GPATCH8: variants seen among roughly 807,000 people sequenced by gnomAD.
The protein encoded by GPATCH8 is G patch domain-containing protein 8.
A neutral mutation model predicts 118.3 loss-of-function variants in GPATCH8; 18 were observed. That is an observed-to-expected ratio of 0.15 (90% confidence interval 0.11 to 0.23). The LOEUF (loss-of-function observed/expected upper bound fraction) is 0.23, where lower values mean the gene tolerates loss of function less well. Ranked by LOEUF, GPATCH8 falls within the 10% of genes least tolerant of loss-of-function variation. The pLI, the probability that GPATCH8 is intolerant of heterozygous loss-of-function variation, is 1.00. For synonymous variants in GPATCH8, 659 were observed against 684.7 expected (o/e 0.96, Z 0.59); for missense variants, 1,631 against 1,873.8 (o/e 0.87, Z 2.39).
At position 44,474,853 on chromosome 17, in the gene GPATCH8, C is replaced by A. The variant is rs141918339; in HGVS notation, c.96G>T (p.Ala32=). The change falls in exon 2 of 8, where the codon GCG becomes GCT. Residue 32 remains alanine (A), a synonymous_variant. Transcript: ENST00000591680. ...CCGATTCTATAGGCTTGTCAAGTGA[C>A]GCTTGTTCAATTTCCAAGTGTCCTT... is the stretch of plus-strand genomic sequence containing the variant. ...YEEGHLEIEQ[A]SLDKPIESDN... is the part of the protein sequence containing the mutation. The A allele has an allele frequency of 6.3e-7, 1 of 1,575,678 alleles. No homozygotes were observed. Among genetic ancestry groups the A allele is most frequent in the Non-Finnish European group, 8.7e-7 (1 of 1,145,444 alleles).
At chr17:44,423,917 T>G (rs2050001149) in intron 6 of GPATCH8, among the ~76,000 whole-genome samples, 1 of 152,168 alleles carries the variant, frequency 6.6e-6, no homozygotes, top group African/African-American at 2.4e-5. Flanking sequence ...AATAGCAAAA[T>G]GACTTAATAA....
intron 3 of GPATCH8, among the ~76,000 whole-genome samples, chr17:44,457,352 T>A (rs1378077529): frequency 1.3e-5 from 2 of 152,186 alleles, no homozygotes; most frequent in Admixed American, 6.5e-5. Context: ...CTACAGAGAA[T>A]GTTCATCTCT....
intron 1 of GPATCH8, among the ~76,000 whole-genome samples, chr17:44,483,209 A>ATATATATATATATATATATATG (rs1199310538): frequency 1.1e-5 from 1 of 90,738 alleles, no homozygotes; most frequent in African/African-American, 3.9e-5. Flanking sequence ...ATATATATAT[A>ATATATATATATATATATATATG]TATATATACA....
chr17:44,445,917 T>C (rs1321156222), intron 3 of GPATCH8: 1 of 152,196 alleles, frequency 6.6e-6, no homozygotes, highest in Non-Finnish European at 1.5e-5. Context: ...ATGGGGCATG[T>C]GACCCATTAT....
chr17:44,399,299 G>A lies in GPATCH8; in HGVS notation c.2778C>T (p.His926=). ...AGTCATCATCAGAAGATGAATATTT[G>A]TGCCGTTTTGATCGGTGTTTGGAGC... ...YASSKHRSKR[H]KYSSSDDDYS... Residue 926 remains histidine (H), a synonymous_variant, in exon 8 of 8, where the codon CAC becomes CAT. Transcript: ENST00000591680. 1 of 1,613,966 alleles carries A rather than the reference G, an allele frequency of 6.2e-7. No homozygotes were observed. The highest frequency in any genetic ancestry group is 8.5e-7 in the Non-Finnish European group (1 of 1,179,844).
rs547292101 is a variant in GPATCH8, at chr17:44,496,769, T to A, written c.45+6557A>T. Among the ~76,000 whole-genome samples the A allele has an allele frequency of 3.3e-5, 5 of 152,362 alleles. No homozygotes were observed. The South Asian group carries it at 8.3e-4, about 25-fold the overall frequency. On this transcript the variant is annotated intron_variant, in intron 1 of 7. Transcript: ENST00000591680. The stretch of plus-strand genomic sequence containing the variant: ...TAAATTAGGAATAAAATACTAAACA[T>A]ATTTGTTTAAATTCCAAAGAAATCA...
At chr17:44,406,149 C>T (rs907255086) in intron 6 of GPATCH8, 98 bp from the exon 7 acceptor site, 1 of 872,622 alleles carries the variant, frequency 1.1e-6, no homozygotes, top group Non-Finnish European at 2.0e-6. Flanking sequence ...AACCAACAGT[C>T]ATGGTATTAG....
chr17:44,434,685 G>A (rs568514283), intron 5 of GPATCH8, among the ~76,000 whole-genome samples: 2 of 152,298 alleles, frequency 1.3e-5, no homozygotes, highest in African/African-American at 2.4e-5. Context: ...TGAGTGTTGG[G>A]GTTACAAGTG....
intron 1 of GPATCH8, among the ~76,000 whole-genome samples, chr17:44,479,958 TC>T (rs1268265740): frequency 8.2e-6 from 1 of 122,442 alleles, no homozygotes; most frequent in Non-Finnish European, 1.9e-5. Context: ...AGAGCAAGAC[TC>T]CGTCTCAAAA....
chr17:44,449,489 C>T (rs1045251083), intron 3 of GPATCH8, among the ~76,000 whole-genome samples: 2 of 151,794 alleles, frequency 1.3e-5, no homozygotes, highest in African/African-American at 4.8e-5. Context: ...AGGCGTGAGC[C>T]CCTGCACTCA....
chr17:44,465,456 G>A (rs1356464197), intron 2 of GPATCH8: 1 of 152,078 alleles, frequency 6.6e-6, no homozygotes, highest in Non-Finnish European at 1.5e-5. Flanking sequence ...TCAAGGTATT[G>A]GAAACATCTG....
rs774164370 is a variant in GPATCH8 at position 44,401,129 on chromosome 17, T to C, written c.948A>G (p.Ala316=). 1.3e-5 allele frequency: 21 copies of C among 1,614,136 alleles called. No individual in the cohort carries two copies. The Middle Eastern group carries it at 9.9e-4, about 76-fold the overall frequency. ...KKAPVKLESI[A]SVFKDHAEEG... ...CCTCCGCATGGTCCTTGAAAACTGA[T>C]GCTATTGATTCGAGTTTGACAGGAG... Residue 316 remains alanine, a synonymous_variant, in exon 8 of 8, where the codon GCA becomes GCG. Transcript: ENST00000591680.
At chr17:44,450,181 C>A (rs1295520448) in intron 3 of GPATCH8, among the ~76,000 whole-genome samples, 1 of 152,162 alleles carries the variant, frequency 6.6e-6, no homozygotes, top group East Asian at 1.9e-4. Flanking sequence ...TAGTAACTTG[C>A]GGTTCAAATA....
chr17:44,503,209 G>A (rs910391873), intron 1 of GPATCH8, 117 bp downstream of exon 1: 8 of 897,022 alleles, frequency 8.9e-6, no homozygotes, highest in African/African-American at 4.9e-5. Flanking sequence ...GGAGAAGAGC[G>A]AGCTGGTTCG....
chr17:44,468,333 T>C (rs1160401359), intron 2 of GPATCH8, among the ~76,000 whole-genome samples: 4 of 149,536 alleles, frequency 2.7e-5, no homozygotes, highest in Non-Finnish European at 3.0e-5. Context: ...ACAGGTAATC[T>C]AGACAGAACA....
chr17:44,499,079 G>A (rs1969871258), intron 1 of GPATCH8, among the ~76,000 whole-genome samples: 2 of 152,166 alleles, frequency 1.3e-5, no homozygotes, highest in South Asian at 2.1e-4. Context: ...GGCAATTTCT[G>A]TATTTTTATT....
chr17:44,482,261 C>T (rs1385532804), intron 1 of GPATCH8, among the ~76,000 whole-genome samples: 3 of 152,000 alleles, frequency 2.0e-5, no homozygotes, highest in Non-Finnish European at 2.9e-5. Flanking sequence ...CGACAAATAC[C>T]TAATGCGTAC....
chr17:44,492,422 A>T (rs1443095163), intron 1 of GPATCH8, among the ~76,000 whole-genome samples: 1 of 149,710 alleles, frequency 6.7e-6, no homozygotes, highest in Non-Finnish European at 1.5e-5. Flanking sequence ...CCAAAAAAAA[A>T]TTAGCCAGGC....
chr17:44,496,549 T>C (rs914909533), intron 1 of GPATCH8, among the ~76,000 whole-genome samples: 1 of 152,216 alleles, frequency 6.6e-6, no homozygotes, highest in Non-Finnish European at 1.5e-5. Flanking sequence ...CACTTTCTGG[T>C]TGCTTGAGTG....
Sources: gnomAD v4.1 joint callset for allele counts (sites outside exome capture counted in the v4.1 genomes callset) on GRCh38, gnomAD v4.1.1 for gene constraint, MANE v1.5 for transcripts, NCBI Gene and HGNC (gene_info 2026-07-23, HGNC 2026-07-21) for gene names.